The following COPG1 variants were observed in gnomAD, a reference collection of about 807,000 sequenced individuals.
COPG1 encodes coatomer subunit gamma-1.
COPG1 carries 29 observed loss-of-function variants against 102.8 expected under a neutral mutation model. The ratio of observed to expected loss-of-function variants is 0.28; its 90% CI spans 0.21 to 0.38. The LOEUF (loss-of-function observed/expected upper bound fraction) is 0.38. Ranked by LOEUF, COPG1 falls within the 10% of genes least tolerant of loss-of-function variation. The probability of loss-of-function intolerance (pLI) is 1.00; values close to 1 mark genes in which losing one functional copy is unlikely to be tolerated. For missense variants in COPG1, 875 were observed against 1,132.7 expected (o/e 0.77, Z 3.27); for synonymous variants, 406 against 421.6 (o/e 0.96, Z 0.45).
chr3:129,265,883 T>C (rs1940047639), intron 14 of COPG1, 91 bp downstream of exon 14: 1 of 1,303,010 alleles, frequency 7.7e-7, no homozygotes, highest in African/African-American at 1.5e-5. Context: ...TGGGGATTTG[T>C]GCACTCAGTG....
intron 10 of COPG1, among the ~76,000 whole-genome samples, chr3:129,259,678 A>G (rs1351519850): frequency 1.3e-5 from 2 of 152,184 alleles, no homozygotes; most frequent in Admixed American, 1.3e-4. Context: ...TCCAGAAAAC[A>G]GTAGTCATCT....
At chr3:129,249,973 A>ACCC (rs62819160) in intron 1 of COPG1, among the ~76,000 whole-genome samples, 20 of 125,512 alleles carry the variant, frequency 1.6e-4, no homozygotes, top group Admixed American at 5.1e-4. Context: ...CGCGACAAAC[A>ACCC]CCCCCCCCCC....
rs111627318 is a variant in COPG1, at chr3:129,249,987, G to A, written c.37+241G>A. On this transcript the variant is annotated intron_variant, in intron 1 of 23. Coordinates refer to ENST00000314797, the MANE Select transcript of COPG1 (RefSeq NM_016128.4). ...GCGCGACAAACACCCCCCCCCCCAG[G>A]CCTCAATTTACCCATCTGTCAAAGG... is the stretch of plus-strand genomic sequence containing the variant. Among the ~76,000 whole-genome samples, 518 of 150,898 alleles carry A rather than the reference G, an allele frequency of 3.4e-3. 1 individual carries two copies. The highest frequency in any genetic ancestry group is 0.012 in the African/African-American group (480 of 40,856).
chr3:129,277,530 A>C lies in COPG1; in HGVS notation c.*106A>C. The C allele has an allele frequency of 8.1e-7, 1 of 1,227,544 alleles. No homozygotes were observed. The highest frequency in any genetic ancestry group is 1.1e-6 in the Non-Finnish European group (1 of 883,092). 76.0% of individuals were successfully genotyped at this position (1,227,544 alleles called of 1,614,324 possible). ...CCCTTCCCAAGCTTCTGTATTGAAA[A>C]ACAATTAGGAATCATTGCAGATTTT... On this transcript the variant is annotated 3_prime_UTR_variant, in exon 24 of 24. Transcript: ENST00000314797.
chr3:129,262,021 T>G (rs1939935300), intron 12 of COPG1, among the ~76,000 whole-genome samples: 1 of 152,106 alleles, frequency 6.6e-6, no homozygotes, highest in Admixed American at 6.6e-5. Context: ...TGTGGTAAAT[T>G]CTATAGTGTG....
At chr3:129,255,215 G>A in intron 7 of COPG1, 138 bp downstream of exon 7, 1 of 619,298 alleles carries the variant, frequency 1.6e-6, no homozygotes. Flanking sequence ...GTCTCACTCT[G>A]TCACCCAGGC....
At chr3:129,250,549 G>A in intron 1 of COPG1, 133 bp from the exon 2 acceptor site, 1 of 699,950 alleles carries the variant, frequency 1.4e-6, no homozygotes, top group Non-Finnish European at 2.5e-6. Context: ...GATTGTAGAG[G>A]CTTGATTGCC....
chr3:129,272,154 A>G (rs778572147), intron 19 of COPG1, 90 bp from the exon 20 acceptor site: 7 of 1,270,902 alleles, frequency 5.5e-6, no homozygotes, highest in Admixed American at 1.9e-5. Context: ...ACCTTGGTCA[A>G]TAGGAAAGAG....
In COPG1 at chr3:129,268,849, C is replaced by T. The variant is rs1940122861; in HGVS notation, c.1775-83C>T. On this transcript the variant is annotated intron_variant, in intron 17 of 23. Coordinates refer to ENST00000314797, the MANE Select transcript of COPG1 (RefSeq NM_016128.4). ...CTCAGGAGGGTTAGTATTTATAATC[C>T]CTGAGTAATAGCACTGGGGTCACCA... is the stretch of plus-strand genomic sequence containing the variant. 5.3e-6 allele frequency: 7 copies of T among 1,329,630 alleles called. No homozygotes were observed. The South Asian group carries it at 8.3e-5, about 16-fold the overall frequency. 82.4% of individuals were successfully genotyped at this position (1,329,630 alleles called of 1,614,324 possible). A position where few individuals can be genotyped will look rare whatever the true frequency, so the allele number is the denominator to read the frequency against.
chr3:129,265,193 G>T (rs1940027526), intron 13 of COPG1, among the ~76,000 whole-genome samples: 1 of 152,028 alleles, frequency 6.6e-6, no homozygotes, highest in African/African-American at 2.4e-5. Context: ...CTGGGATCAA[G>T]CAATCGTCTC....
At chr3:129,268,086 T>C (rs1444048938) in intron 16 of COPG1, 46 bp downstream of exon 16, 1 of 1,496,704 alleles carries the variant, frequency 6.7e-7, no homozygotes, top group South Asian at 1.1e-5. Flanking sequence ...TTACTGGAGC[T>C]GTGGTTCTCA....
chr3:129,258,772 A>G (rs1235206997), intron 10 of COPG1, among the ~76,000 whole-genome samples: 1 of 152,044 alleles, frequency 6.6e-6, no homozygotes, highest in African/African-American at 2.4e-5. Context: ...TGCTGTTATT[A>G]AGGGGAATCC....
chr3:129,257,733 C>T lies in COPG1; in HGVS notation c.744C>T (p.Asp248=). The T allele has an allele frequency of 6.2e-7, 1 of 1,613,992 alleles. No individual in the cohort carries two copies. Among genetic ancestry groups the T allele is most frequent in the Non-Finnish European group, 8.5e-7 (1 of 1,179,856 alleles). ...KQLEEEDGSR[D]SPLFDFIESC... Reference sequence around the variant, plus strand: ...ACCCTATGTTCTTTTGTAGCCGTGACAGCCCACTGTTTGACTTCATCGAGA... The same window carrying T: ...ACCCTATGTTCTTTTGTAGCCGTGATAGCCCACTGTTTGACTTCATCGAGA... The change falls in exon 10 of 24, where the codon GAC becomes GAT. Residue 248 remains aspartate, a synonymous_variant. Coordinates refer to ENST00000314797, the MANE Select transcript of COPG1 (RefSeq NM_016128.4).
intron 2 of COPG1, among the ~76,000 whole-genome samples, chr3:129,251,073 G>A (rs755074617): frequency 6.6e-5 from 10 of 151,168 alleles, no homozygotes; most frequent in Non-Finnish European, 7.4e-5. Context: ...ACAGACGCCC[G>A]CCACCACACC....
At chr3:129,260,956 C>G (rs945740541) in intron 12 of COPG1, 149 bp downstream of exon 12, 2 of 740,588 alleles carry the variant, frequency 2.7e-6, no homozygotes, top group African/African-American at 3.6e-5. Context: ...TCTGCAGAGA[C>G]TTGGCCTTCC....
intron 10 of COPG1, among the ~76,000 whole-genome samples, chr3:129,258,364 A>T (rs1300187468): frequency 2.6e-5 from 4 of 152,230 alleles, no homozygotes; most frequent in Admixed American, 2.6e-4. Context: ...TGGATGATAG[A>T]TCATGCCTAT....
chr3:129,249,615 C>G lies in COPG1; in HGVS notation c.-95C>G. 7.0e-7 allele frequency: 1 copy of G among 1,422,494 alleles called. No individual in the cohort carries two copies. The highest frequency in any genetic ancestry group is 2.1e-5 in the Admixed American group (1 of 47,858). The allele number at this position is 1,422,494 out of a possible 1,614,324, so 88.1% of individuals were successfully genotyped here. A position where few individuals can be genotyped will look rare whatever the true frequency, so the allele number is the denominator to read the frequency against. ...GCTGGGCGACGTGGCCAGTCGGGGC[C>G]CGGAAGTGGTCCCTGTAGAACCACT... is the stretch of plus-strand genomic sequence containing the variant. On this transcript the variant is annotated 5_prime_UTR_variant, in exon 1 of 24. Transcript: ENST00000314797.
At chr3:129,251,453 C>A (rs1016536095) in intron 2 of COPG1, among the ~76,000 whole-genome samples, 1 of 151,266 alleles carries the variant, frequency 6.6e-6, no homozygotes, top group Non-Finnish European at 1.5e-5. Flanking sequence ...ACGATCTCGG[C>A]TCAACTGCAA....
Position 129,257,479 on chromosome 3 carries a change from C to T in COPG1, c.589C>T (p.Leu197=). 2 of 1,614,222 alleles carry T rather than the reference C, an allele frequency of 1.2e-6. No homozygotes were observed. Among genetic ancestry groups the T allele is most frequent in the Non-Finnish European group, 1.7e-6 (2 of 1,180,034 alleles). ...GTCTCCTGTCCTATAGTACCACGCA[C>T]TAGGGCTCCTGTACCATGTGCGTAA... The part of the protein sequence containing the change: ...SDNIMVQYHA[L]GLLYHVRKND... Residue 197 remains leucine (L), a synonymous_variant, in exon 9 of 24, where the codon CTA becomes TTA. Transcript: ENST00000314797.
Sources: allele counts gnomAD v4.1 joint callset (sites outside exome capture counted in the v4.1 genomes callset), GRCh38; gene constraint gnomAD v4.1.1; transcripts MANE v1.5; gene names NCBI Gene and HGNC (gene_info 2026-07-23, HGNC 2026-07-21).